The following HS6ST3 variants were observed in gnomAD, a reference collection of about 807,000 sequenced individuals.
HS6ST3 encodes heparan-sulfate 6-O-sulfotransferase 3.
HS6ST3 carries 12 observed loss-of-function variants against 36.7 expected under a neutral mutation model. That is an observed-to-expected ratio of 0.33 (90% confidence interval 0.21 to 0.53). The LOEUF is 0.53. HS6ST3 is among the 20% of genes least tolerant of loss of function. HS6ST3 has a pLI of 0.95. For missense variants in HS6ST3, 584 were observed against 640.9 expected (o/e 0.91, Z 0.96); for synonymous variants, 240 against 257.5 (o/e 0.93, Z 0.65).
intron 1 of HS6ST3, among the ~76,000 whole-genome samples, chr13:96,382,345 A>G (rs1336007582): frequency 2.0e-5 from 3 of 152,324 alleles, no homozygotes; most frequent in East Asian, 1.9e-4. Context: ...TAAAAACAAT[A>G]TGGCTTTAAA....
intron 1 of HS6ST3, among the ~76,000 whole-genome samples, chr13:96,606,594 AGAGGGAGGGAGGGAGGGAGGGAGG>A (rs757536053): frequency 0.012 from 894 of 74,508 alleles, 17 homozygotes; most frequent in Non-Finnish European, 0.017. Context: ...AGGGAGGGAC[AGAGGGAGGGAGGGAGGGAGGGAGG>A]GAGGGAGGGA....
intron 1 of HS6ST3, among the ~76,000 whole-genome samples, chr13:96,768,706 G>A (rs937119342): frequency 3.3e-5 from 5 of 151,932 alleles, no homozygotes; most frequent in African/African-American, 1.2e-4. Context: ...AAACTCTTCA[G>A]TTAGCATGCA....
At chr13:96,232,280 T>C (rs925861939) in intron 1 of HS6ST3, among the ~76,000 whole-genome samples, 1 of 151,708 alleles carries the variant, frequency 6.6e-6, no homozygotes, top group Admixed American at 6.6e-5. Context: ...ATGGCAGGAG[T>C]TGAGGATCAG....
chr13:96,313,658 A>G (rs1404737177), intron 1 of HS6ST3, among the ~76,000 whole-genome samples: 1 of 152,154 alleles, frequency 6.6e-6, no homozygotes, highest in Non-Finnish European at 1.5e-5. Context: ...AGCCTCAGAT[A>G]TTCTGTTCCT....
intron 1 of HS6ST3, among the ~76,000 whole-genome samples, chr13:96,502,606 C>T (rs2056009556): frequency 6.6e-6 from 1 of 152,254 alleles, no homozygotes; most frequent in East Asian, 1.9e-4. Context: ...AAGGAAGATT[C>T]ACTGGAGTCA....
intron 1 of HS6ST3, among the ~76,000 whole-genome samples, chr13:96,615,538 A>G (rs2138991380): frequency 6.6e-6 from 1 of 152,292 alleles, no homozygotes; most frequent in Non-Finnish European, 1.5e-5. Flanking sequence ...ATATCACTAG[A>G]TTTTTCTGAG....
At chr13:96,147,623 G>A (rs76350822) in intron 1 of HS6ST3, among the ~76,000 whole-genome samples, 2,153 of 152,246 alleles carry the variant, frequency 0.014, 53 homozygotes, top group African/African-American at 0.049. Context: ...GGGTGAATTG[G>A]CATGTCTACA....
chr13:96,742,855 C>A (rs188744353), intron 1 of HS6ST3, among the ~76,000 whole-genome samples: 16 of 152,100 alleles, frequency 1.1e-4, no homozygotes, highest in African/African-American at 3.6e-4. Flanking sequence ...CGCTATAGCT[C>A]ATGAATGTGA....
chr13:96,635,247 A>T (rs1566416912), intron 1 of HS6ST3, among the ~76,000 whole-genome samples: 2 of 105,680 alleles, frequency 1.9e-5, no homozygotes, highest in Non-Finnish European at 3.8e-5. Context: ...CATCTTTTTC[A>T]TAAGATGTAA....
chr13:96,284,790 TTC>T (rs2054792621), intron 1 of HS6ST3, among the ~76,000 whole-genome samples: 1 of 151,550 alleles, frequency 6.6e-6, no homozygotes, highest in Non-Finnish European at 1.5e-5. Context: ...TTGCTTGCTT[TTC>T]TCTCCTTCTT....
chr13:96,430,498 C>T (rs9556589), intron 1 of HS6ST3, among the ~76,000 whole-genome samples: 15,048 of 152,176 alleles, frequency 0.099, 1,101 homozygotes, highest in Admixed American at 0.23. Context: ...CTCGAGCTCT[C>T]CTGGGGTGAG....
chr13:96,639,611 TG>T (rs1464539622), intron 1 of HS6ST3, among the ~76,000 whole-genome samples: 2 of 151,970 alleles, frequency 1.3e-5, no homozygotes, highest in Non-Finnish European at 2.9e-5. Context: ...ATATATTGTG[TG>T]GTGCTGAGGT....
At chr13:96,389,524 C>G (rs2055385380) in intron 1 of HS6ST3, among the ~76,000 whole-genome samples, 1 of 152,098 alleles carries the variant, frequency 6.6e-6, no homozygotes, top group Non-Finnish European at 1.5e-5. Flanking sequence ...TTCTCTGTAT[C>G]AAACACACTG....
At chr13:96,700,594 T>A (rs138596241) in intron 1 of HS6ST3, among the ~76,000 whole-genome samples, 1 of 152,360 alleles carries the variant, frequency 6.6e-6, no homozygotes, top group Non-Finnish European at 1.5e-5. Flanking sequence ...TTTTTGTGGA[T>A]GATTTTTATC....
chr13:96,585,824 T>TAC, intron 1 of HS6ST3, among the ~76,000 whole-genome samples: 1 of 152,348 alleles, frequency 6.6e-6, no homozygotes, highest in East Asian at 1.9e-4. Flanking sequence ...TGTGTATATA[T>TAC]ACCACATTTT....
chr13:96,795,994 G>A (rs1877899240), intron 1 of HS6ST3, among the ~76,000 whole-genome samples: 1 of 152,086 alleles, frequency 6.6e-6, no homozygotes, highest in African/African-American at 2.4e-5. Context: ...TCTCTGGAAG[G>A]AAAAAGGCTA....
intron 1 of HS6ST3, among the ~76,000 whole-genome samples, chr13:96,561,648 C>G (rs1455982479): frequency 6.6e-6 from 1 of 151,930 alleles, no homozygotes; most frequent in African/African-American, 2.4e-5. Context: ...CTGTCAAAGT[C>G]TAATATTCAA....
chr13:96,149,041 A>G (rs1388431898), intron 1 of HS6ST3, among the ~76,000 whole-genome samples: 1 of 152,220 alleles, frequency 6.6e-6, no homozygotes, highest in South Asian at 2.1e-4. Context: ...TTGCCTTCGT[A>G]GTAAAATATA....
At chr13:96,172,687 A>C (rs531847127) in intron 1 of HS6ST3, among the ~76,000 whole-genome samples, 1 of 152,340 alleles carries the variant, frequency 6.6e-6, no homozygotes, top group East Asian at 1.9e-4. Context: ...GCTCAGGTGC[A>C]TCTTATTTCT....
Sources: gnomAD v4.1 joint callset for allele counts (sites outside exome capture counted in the v4.1 genomes callset) on GRCh38, gnomAD v4.1.1 for gene constraint, MANE v1.5 for transcripts, NCBI Gene and HGNC (gene_info 2026-07-23, HGNC 2026-07-21) for gene names.